The following PF4V1 variants were observed in gnomAD, a reference collection of about 807,000 sequenced individuals.
PF4V1 encodes the protein platelet factor 4 variant 1.
In PF4V1, 4 loss-of-function variants were observed where a neutral mutation model predicts 6.9. The observed-to-expected ratio is 0.58, with a 90% confidence interval of 0.29 to 1.34. The LOEUF (loss-of-function observed/expected upper bound fraction) is 1.34, where lower values mean the gene tolerates loss of function less well. PF4V1 is among the 40% of genes most tolerant of loss of function. PF4V1 has a pLI of 0.09. For synonymous variants in PF4V1, 68 were observed against 55.9 expected (o/e 1.22, Z -0.97); for missense variants, 127 against 128.6 (o/e 0.99, Z 0.06).
chr4:73,853,840 T>C lies in PF4V1; in HGVS notation c.158T>C (p.Val53Ala). ...QCLCVKTTSQ[V>A]RPRHITSLEV... is the part of the protein sequence containing the mutation. ...CTGTGTGTGAAGACCACCTCCCAGGTCCGTCCCAGGCACATCACCAGCCTG... is the reference window on the plus strand; with the variant it reads ...CTGTGTGTGAAGACCACCTCCCAGGCCCGTCCCAGGCACATCACCAGCCTG... The change falls in exon 2 of 3, where the codon GTC becomes GCC. Residue 53 changes from valine to alanine, a missense_variant. By Grantham distance (64) the Val-to-Ala change is moderately conservative (BLOSUM62 0). Coordinates refer to ENST00000226524, the MANE Select transcript of PF4V1 (RefSeq NM_002620.4). 6.2e-7 allele frequency: 1 copy of C among 1,613,154 alleles called. No individual in the cohort carries two copies. The highest frequency in any genetic ancestry group is 8.5e-7 in the Non-Finnish European group (1 of 1,179,798).
At position 73,854,417 on chromosome 4, in the gene PF4V1, T is replaced by C. The variant is rs2109762700; in HGVS notation, c.*295T>C. On this transcript the variant is annotated 3_prime_UTR_variant, in exon 3 of 3. Coordinates refer to ENST00000226524, the MANE Select transcript of PF4V1 (RefSeq NM_002620.4). ...TCATTTATGTGATTGCAGTACTTTATAGCTACATATTTACCTTGAATGTTA... is the reference window on the plus strand; with the variant it reads ...TCATTTATGTGATTGCAGTACTTTACAGCTACATATTTACCTTGAATGTTA... Among the ~76,000 whole-genome samples the C allele has an allele frequency of 6.6e-6, 1 of 152,330 alleles. No individual in the cohort carries two copies. Among genetic ancestry groups the C allele is most frequent in the Middle Eastern group, 3.4e-3 (1 of 294 alleles).
rs1731464988 is a variant in PF4V1, at chr4:73,853,329, C to A, written c.-34C>A. The A allele has an allele frequency of 1.3e-6, 2 of 1,571,876 alleles. No homozygotes were observed. Among genetic ancestry groups the A allele is most frequent in the Non-Finnish European group, 1.8e-6 (2 of 1,141,828 alleles). ...CAGAACCCCAGCCCGACTTTCCCTG[C>A]GCACTGGGATCCTGCTGGAACCTCA... On this transcript the variant is annotated 5_prime_UTR_variant, in exon 1 of 3. Transcript: ENST00000226524.
Position 73,853,874 on chromosome 4 carries a change from C to T in PF4V1, c.192C>T (p.Ile64=), listed in dbSNP as rs372559874. 20 of 1,612,506 alleles carry T rather than the reference C, an allele frequency of 1.2e-5. No individual in the cohort carries two copies. In the African/African-American group the frequency reaches 2.0e-4, roughly 16 times the overall value. ...RPRHITSLEV[I]KAGPHCPTAQ... ...GGCACATCACCAGCCTGGAGGTGATCAAGGCCGGACCCCACTGCCCCACTG... is the reference window on the plus strand; with the variant it reads ...GGCACATCACCAGCCTGGAGGTGATTAAGGCCGGACCCCACTGCCCCACTG... Residue 64 remains isoleucine (I), a synonymous_variant, in exon 2 of 3, where the codon ATC becomes ATT. Coordinates refer to ENST00000226524, the MANE Select transcript of PF4V1 (RefSeq NM_002620.4).
intron 1 of PF4V1, 83 bp downstream of exon 1, chr4:73,853,545 G>A: frequency 8.1e-6 from 12 of 1,489,358 alleles, no homozygotes; most frequent in Non-Finnish European, 1.1e-5. Context: ...GAATCCTCTA[G>A]GATCATGATC....
chr4:73,854,284 C>T lies in PF4V1; in HGVS notation c.*162C>T, dbSNP rs1731495313. On this transcript the variant is annotated 3_prime_UTR_variant, in exon 3 of 3. Transcript: ENST00000226524. ...AAATAATGCTGACACATCACAATTTCATATTTTAAAATTTCCAGAATTTTA... is the reference window on the plus strand; with the variant it reads ...AAATAATGCTGACACATCACAATTTTATATTTTAAAATTTCCAGAATTTTA... The T allele has an allele frequency of 1.7e-6, 1 of 591,560 alleles. No homozygotes were observed. Among genetic ancestry groups the T allele is most frequent in the Admixed American group, 3.1e-5 (1 of 32,020 alleles). 36.6% of individuals were successfully genotyped at this position (591,560 alleles called of 1,614,324 possible).
chr4:73,853,938 C>T lies in PF4V1; in HGVS notation c.227+29C>T, dbSNP rs1560516862. On this transcript the variant is annotated intron_variant, in intron 2 of 2. Transcript: ENST00000226524. ...AGTCCTCGCACTGCATCAGTTAGTG[C>T]TCCCGCTCCGTGCCTCCTCTGCCCA... 7 of 1,601,588 alleles carry T rather than the reference C, an allele frequency of 4.4e-6. 1 individual carries two copies. The highest frequency in any genetic ancestry group is 4.3e-6 in the Non-Finnish European group (5 of 1,172,752).
chr4:73,853,437 G>T lies in PF4V1; in HGVS notation c.75G>T (p.Leu25=), dbSNP rs1578142880. ...TGCTGTTCTTGGCGTTGCTGCTCCT[G>T]CCAGTTGTGGTCGCCTTCGCCAGAG... ...QEMLFLALLL[L]PVVVAFARAE... Residue 25 remains leucine (L), a synonymous_variant, in exon 1 of 3, where the codon CTG becomes CTT. Transcript: ENST00000226524. 1 of 1,613,972 alleles carries T rather than the reference G, an allele frequency of 6.2e-7. No individual in the cohort carries two copies. Among genetic ancestry groups the T allele is most frequent in the Non-Finnish European group, 8.5e-7 (1 of 1,179,920 alleles).
Position 73,853,401 on chromosome 4 carries a change from C to T in PF4V1, c.39C>T (p.Thr13=), listed in dbSNP as rs1205119234. The change falls in exon 1 of 3, where the codon ACC becomes ACT. Residue 13 remains threonine (T), a synonymous_variant. Coordinates refer to ENST00000226524, the MANE Select transcript of PF4V1 (RefSeq NM_002620.4). ...SAARSRLTRA[T]RQEMLFLALL... ...CCAGGTCCCGCCTCACCCGCGCCAC[C>T]CGCCAGGAGATGCTGTTCTTGGCGT... 1 of 1,614,172 alleles carries T rather than the reference C, an allele frequency of 6.2e-7. No individual in the cohort carries two copies. Among genetic ancestry groups the T allele is most frequent in the South Asian group, 1.1e-5 (1 of 91,084 alleles).
chr4:73,853,579 G>A, intron 1 of PF4V1, 117 bp downstream of exon 1: 1 of 1,349,674 alleles, frequency 7.4e-7, no homozygotes, highest in Non-Finnish European at 1.0e-6. Context: ...TTGCGCGCGT[G>A]CTGAGTCTGC....
intron 1 of PF4V1, 27 bp from the exon 2 acceptor site, chr4:73,853,756 C>T (rs1188466414): frequency 1.9e-6 from 3 of 1,590,892 alleles, no homozygotes; most frequent in Non-Finnish European, 1.7e-6. Flanking sequence ...CCCTCCTCCT[C>T]TCTTACTCCC....
chr4:73,854,033 AG>A lies in PF4V1; in HGVS notation c.228-1del. The A allele has an allele frequency of 6.2e-7, 1 of 1,614,128 alleles. No individual in the cohort carries two copies. The highest frequency in any genetic ancestry group is 8.5e-7 in the Non-Finnish European group (1 of 1,179,978). On this transcript the variant is annotated splice_acceptor_variant, in intron 2 of 2. Transcript: ENST00000226524. LOFTEE classifies it high-confidence loss of function. Reference sequence around the variant, plus strand: ...TCACGTCTCTTCTCTTTTCCCTGCCAGAGCCACGCTGAAGAATGGGAGGAAA... The same window carrying A: ...TCACGTCTCTTCTCTTTTCCCTGCCAAGCCACGCTGAAGAATGGGAGGAAA...
In PF4V1 at chr4:73,854,082, T is replaced by C. The variant is rs373676570; in HGVS notation, c.275T>C (p.Leu92Pro). The C allele has an allele frequency of 6.8e-5, 109 of 1,614,052 alleles. No homozygotes were observed. Among genetic ancestry groups the C allele is most frequent in the African/African-American group, 3.5e-4 (26 of 74,946 alleles). ...GRKICLDLQALLYKKIIKEHL... is the reference protein window; with the variant it reads ...GRKICLDLQAPLYKKIIKEHL... Reference sequence around the variant, plus strand: ...AAAATTTGCTTGGATCTGCAAGCCCTGCTGTACAAGAAAATCATTAAGGAA... The same window carrying C: ...AAAATTTGCTTGGATCTGCAAGCCCCGCTGTACAAGAAAATCATTAAGGAA... The change falls in exon 3 of 3, where the codon CTG becomes CCG. Residue 92 changes from leucine (L) to proline (P), a missense_variant. Leu to Pro is a moderately conservative substitution (Grantham distance 98). Transcript: ENST00000226524.
rs1363730598 is a variant in PF4V1, at chr4:73,854,430, A to G, written c.*308A>G. Among the ~76,000 whole-genome samples, 1 of 151,522 alleles carries G rather than the reference A, an allele frequency of 6.6e-6. No homozygotes were observed. On this transcript the variant is annotated 3_prime_UTR_variant, in exon 3 of 3. Coordinates refer to ENST00000226524, the MANE Select transcript of PF4V1 (RefSeq NM_002620.4). ...TGCAGTACTTTATAGCTACATATTT[A>G]CCTTGAATGTTACAATTAGCTTGCC...
In PF4V1 at chr4:73,854,287, A is replaced by T. The variant is rs1731495396; in HGVS notation, c.*165A>T. On this transcript the variant is annotated 3_prime_UTR_variant, in exon 3 of 3. Coordinates refer to ENST00000226524, the MANE Select transcript of PF4V1 (RefSeq NM_002620.4). ...TAATGCTGACACATCACAATTTCATATTTTAAAATTTCCAGAATTTTAAGC... is the reference window on the plus strand; with the variant it reads ...TAATGCTGACACATCACAATTTCATTTTTTAAAATTTCCAGAATTTTAAGC... 4 of 591,920 alleles carry T rather than the reference A, an allele frequency of 6.8e-6. No individual in the cohort carries two copies. The highest frequency in any genetic ancestry group is 1.2e-5 in the Non-Finnish European group (4 of 345,316). 36.7% of individuals were successfully genotyped at this position (591,920 alleles called of 1,614,324 possible).
At position 73,853,828 on chromosome 4, in the gene PF4V1, C is replaced by A; in HGVS notation, c.146C>A (p.Thr49Asn). 3 of 1,613,430 alleles carry A rather than the reference C, an allele frequency of 1.9e-6. No homozygotes were observed. Among genetic ancestry groups the A allele is most frequent in the Non-Finnish European group, 2.5e-6 (3 of 1,179,746 alleles). The change falls in exon 2 of 3, where the codon ACC (threonine) becomes AAC (asparagine). Residue 49 changes from threonine (T) to asparagine (N), a missense_variant. Coordinates refer to ENST00000226524, the MANE Select transcript of PF4V1 (RefSeq NM_002620.4). Reference protein sequence around the residue: ...DGDLQCLCVKTTSQVRPRHIT... With the variant: ...DGDLQCLCVKNTSQVRPRHIT... ...GACCTGCAGTGCCTGTGTGTGAAGA[C>A]CACCTCCCAGGTCCGTCCCAGGCAC...
chr4:73,854,279 A>G lies in PF4V1; in HGVS notation c.*157A>G. The G allele has an allele frequency of 3.4e-6, 2 of 594,978 alleles. No homozygotes were observed. The highest frequency in any genetic ancestry group is 5.8e-6 in the Non-Finnish European group (2 of 347,448). The allele number at this position is 594,978 out of a possible 1,614,324, so 36.9% of individuals were successfully genotyped here. ...TGCAAAAATAATGCTGACACATCAC[A>G]ATTTCATATTTTAAAATTTCCAGAA... On this transcript the variant is annotated 3_prime_UTR_variant, in exon 3 of 3. Transcript: ENST00000226524.
rs186908092 is a variant in PF4V1 at position 73,854,295 on chromosome 4, A to T, written c.*173A>T. The T allele has an allele frequency of 7.7e-5, 45 of 586,674 alleles. No individual in the cohort carries two copies. The African/African-American group carries it at 8.1e-4, about 11-fold the overall frequency. The allele number at this position is 586,674 out of a possible 1,614,324, so 36.3% of individuals were successfully genotyped here. A position where few individuals can be genotyped will look rare whatever the true frequency, so the allele number is the denominator to read the frequency against. On this transcript the variant is annotated 3_prime_UTR_variant, in exon 3 of 3. Coordinates refer to ENST00000226524, the MANE Select transcript of PF4V1 (RefSeq NM_002620.4). ...ACACATCACAATTTCATATTTTAAA[A>T]TTTCCAGAATTTTAAGCAAAAAGCA...
chr4:73,853,381 TC>T lies in PF4V1; in HGVS notation c.22del (p.Arg8AlafsTer40). MSSAAR[S>X]RLTRATRQEM... ...CTGCAACATGAGCTCCGCAGCCAGG[TC>T]CCGCCTCACCCGCGCCACCCGCCAG... On this transcript the variant is annotated frameshift_variant, in exon 1 of 3. Coordinates refer to ENST00000226524, the MANE Select transcript of PF4V1 (RefSeq NM_002620.4). LOFTEE classifies it high-confidence loss of function. The T allele has an allele frequency of 6.2e-7, 1 of 1,613,922 alleles. No individual in the cohort carries two copies. The highest frequency in any genetic ancestry group is 8.5e-7 in the Non-Finnish European group (1 of 1,179,930).
Position 73,853,770 on chromosome 4 carries a change from C to A in PF4V1, c.101-13C>A, listed in dbSNP as rs375882650. 2.3e-4 allele frequency: 363 copies of A among 1,604,040 alleles called. No homozygotes were observed. Among genetic ancestry groups the A allele is most frequent in the Admixed American group, 2.9e-4 (17 of 58,316 alleles). ...CCCCTCCTCCTCTCTTACTCCCTCC[C>A]TTTCCCCCTCAGCTGAAGCTGAAGA... On this transcript the variant is annotated splice_polypyrimidine_tract_variant and intron_variant, in intron 1 of 2. Transcript: ENST00000226524.
Sources: allele counts gnomAD v4.1 joint callset (sites outside exome capture counted in the v4.1 genomes callset), GRCh38; gene constraint gnomAD v4.1.1; transcripts MANE v1.5; gene names NCBI Gene and HGNC (gene_info 2026-07-23, HGNC 2026-07-21).